The following GRXCR2 variants were observed in gnomAD, a reference collection of about 807,000 sequenced individuals.
GRXCR2 encodes the protein glutaredoxin domain-containing cysteine-rich protein 2.
Under a neutral mutation model 24.8 loss-of-function variants are expected in GRXCR2, and 23 were observed. That is an observed-to-expected ratio of 0.93 (90% confidence interval 0.67 to 1.32). The LOEUF (loss-of-function observed/expected upper bound fraction) is 1.32. Among genes scored for constraint, GRXCR2 ranks in the 40% most tolerant of loss-of-function variants. The probability of loss-of-function intolerance (pLI) is 0.00; values close to 1 mark genes in which losing one functional copy is unlikely to be tolerated. For missense variants in GRXCR2, 315 were observed against 303.4 expected, an observed-to-expected ratio of 1.04 and a Z score of -0.28; for synonymous variants, 130 against 116.1, an observed-to-expected ratio of 1.12 and a Z score of -0.77.
chr5:145,911,974 G>C (rs887340213), intron 2 of GRXCR2, among the ~76,000 whole-genome samples: 2 of 152,212 alleles, frequency 1.3e-5, no homozygotes, highest in African/African-American at 4.8e-5. Flanking sequence ...GCACACACCT[G>C]TGGTCACAGC....
At chr5:145,876,102 G>A (rs1480528159), upstream of GRXCR2, among the ~76,000 whole-genome samples, 1 of 150,896 alleles carries the variant, frequency 6.6e-6, no homozygotes, top group Admixed American at 6.6e-5. Context: ...AGGAGTTTGA[G>A]GCTAAAGCCA....
chr5:145,903,835 G>A (rs1757056986), intron 2 of GRXCR2, among the ~76,000 whole-genome samples: 1 of 152,186 alleles, frequency 6.6e-6, no homozygotes, highest in Non-Finnish European at 1.5e-5. Flanking sequence ...TGCTGATGCA[G>A]TGAAAGTCAT....
chr5:145,880,487 C>A (rs1022561195), intron 2 of GRXCR2, among the ~76,000 whole-genome samples: 1 of 150,640 alleles, frequency 6.6e-6, no homozygotes, highest in Non-Finnish European at 1.5e-5. Flanking sequence ...CCTCCCAAGA[C>A]AGAAGAATCT....
chr5:145,880,076 C>A (rs915957290), intron 2 of GRXCR2, among the ~76,000 whole-genome samples: 5 of 151,964 alleles, frequency 3.3e-5, no homozygotes, highest in African/African-American at 1.2e-4. Flanking sequence ...CACTAAATGC[C>A]CACAAGAGAA....
chr5:145,917,857 G>A (rs1757262462), intron 2 of GRXCR2, among the ~76,000 whole-genome samples: 1 of 152,174 alleles, frequency 6.6e-6, no homozygotes, highest in African/African-American at 2.4e-5. Flanking sequence ...TTGGCTCACT[G>A]CAACCTCCGC....
chr5:145,924,786 G>GTTA (rs1307713617), intron 2 of GRXCR2, among the ~76,000 whole-genome samples: 1 of 152,076 alleles, frequency 6.6e-6, no homozygotes, highest in Non-Finnish European at 1.5e-5. Flanking sequence ...AATGTTAATT[G>GTTA]TTATTATTTA....
rs183234795 is a variant in GRXCR2, at chr5:145,890,490, C to T, written c.-69-23762G>A. ...ATTCCTGAGAGAGAAGCAGAAAAAG[C>T]AAACAACCTGGAAAGTATATTTGAA... On this transcript the variant is annotated intron_variant, in intron 2 of 3. Coordinates refer to the GRXCR2 transcript ENST00000639411. Among the ~76,000 whole-genome samples the T allele has an allele frequency of 5.3e-4, 81 of 152,152 alleles. 1 individual carries two copies. The highest frequency in any genetic ancestry group is 2.5e-4 in the Non-Finnish European group (17 of 67,996).
intron 2 of GRXCR2, among the ~76,000 whole-genome samples, chr5:145,883,925 C>T (rs1756740508): frequency 6.6e-6 from 1 of 152,112 alleles, no homozygotes; most frequent in Non-Finnish European, 1.5e-5. Flanking sequence ...CACAAAATCT[C>T]AGTATGGAGC....
In GRXCR2 at chr5:145,861,534, T is replaced by C. The variant is rs141541183; in HGVS notation, c.565-1619A>G. On this transcript the variant is annotated intron_variant, in intron 2 of 2. Coordinates refer to ENST00000377976, the MANE Select transcript of GRXCR2 (RefSeq NM_001080516.2). ...TGGACCAGGAGTTCCCCCACCCCCATGGCCACCTGTACTGCCCCTCGCATG... is the reference window on the plus strand; with the variant it reads ...TGGACCAGGAGTTCCCCCACCCCCACGGCCACCTGTACTGCCCCTCGCATG... 2.6e-4 allele frequency among the ~76,000 whole-genome samples: 39 copies of C among 152,062 alleles called. 1 individual carries two copies. The East Asian group carries it at 7.6e-3, about 30-fold the overall frequency.
Position 145,872,921 on chromosome 5 carries a change from G to C in GRXCR2, c.48C>G (p.Pro16=), listed in dbSNP as rs376954314. The C allele has an allele frequency of 1.8e-4, 283 of 1,614,054 alleles. No individual in the cohort carries two copies. Among genetic ancestry groups the C allele is most frequent in the Non-Finnish European group, 2.1e-4 (253 of 1,180,026 alleles). ...AGGAGATTTTAAATCGTACTTTCCGGGGTTTGCCATCACTCTTCTGATTCA... is the reference window on the plus strand; with the variant it reads ...AGGAGATTTTAAATCGTACTTTCCGCGGTTTGCCATCACTCTTCTGATTCA... ...KKLNQKSDGK[P]RKVRFKISSS... is the part of the protein sequence containing the mutation. Residue 16 remains proline (P), a synonymous_variant, in exon 1 of 3, where the codon CCC becomes CCG. Transcript: ENST00000377976.
upstream of GRXCR2, among the ~76,000 whole-genome samples, chr5:145,875,087 G>A (rs147732754): frequency 1.3e-5 from 2 of 152,228 alleles, no homozygotes; most frequent in African/African-American, 4.8e-5. Context: ...CCATTCAACT[G>A]TGAACATCTT....
upstream of GRXCR2, among the ~76,000 whole-genome samples, chr5:145,873,210 T>C (rs1350666121): frequency 6.6e-6 from 1 of 152,200 alleles, no homozygotes; most frequent in Non-Finnish European, 1.5e-5. Flanking sequence ...ATTCTTCTCA[T>C]AATCCCAAGC....
chr5:145,862,267 G>T (rs781455787), intron 2 of GRXCR2, among the ~76,000 whole-genome samples: 1 of 152,110 alleles, frequency 6.6e-6, no homozygotes, highest in Admixed American at 6.5e-5. Context: ...TTAATGAAAT[G>T]ACCTAGTAAG....
At chr5:145,887,050 A>G (rs1207895320) in intron 2 of GRXCR2, among the ~76,000 whole-genome samples, 1 of 152,256 alleles carries the variant, frequency 6.6e-6, no homozygotes, top group Non-Finnish European at 1.5e-5. Flanking sequence ...CAATAACTGA[A>G]CTGATCATCA....
chr5:145,874,362 C>A (rs1051845587), upstream of GRXCR2, among the ~76,000 whole-genome samples: 2 of 152,044 alleles, frequency 1.3e-5, no homozygotes, highest in African/African-American at 4.8e-5. Context: ...CGCCACCATG[C>A]CCAGCTAATT....
At chr5:145,872,545 G>T in intron 1 of GRXCR2, 88 bp downstream of exon 1, 1 of 1,147,738 alleles carries the variant, frequency 8.7e-7, no homozygotes, top group Non-Finnish European at 1.2e-6. Context: ...GGGGGAGCAA[G>T]ACACAAATCT....
chr5:145,915,143 T>C (rs939516460), intron 2 of GRXCR2, among the ~76,000 whole-genome samples: 1 of 151,954 alleles, frequency 6.6e-6, no homozygotes, highest in African/African-American at 2.4e-5. Flanking sequence ...ATGGCTGTGG[T>C]GAGAGTGAAG....
chr5:145,906,007 T>C (rs1783943017), intron 2 of GRXCR2, among the ~76,000 whole-genome samples: 1 of 152,196 alleles, frequency 6.6e-6, no homozygotes. Context: ...AATTTCAGCA[T>C]TTATTTTAAT....
chr5:145,918,639 C>T (rs765626430), intron 2 of GRXCR2, among the ~76,000 whole-genome samples: 9 of 152,208 alleles, frequency 5.9e-5, no homozygotes, highest in Non-Finnish European at 1.3e-4. Flanking sequence ...AAGCAGGCTT[C>T]AGCTGTGTCA....
Sources: gnomAD v4.1 joint callset for allele counts (sites outside exome capture counted in the v4.1 genomes callset) on GRCh38, gnomAD v4.1.1 for gene constraint, MANE v1.5 for transcripts, NCBI Gene and HGNC (gene_info 2026-07-23, HGNC 2026-07-21) for gene names.